The following MAP4K5 variants were observed in gnomAD, a reference collection of about 807,000 sequenced individuals.
MAP4K5 encodes MAPK/ERK kinase kinase kinase 5.
Under a neutral mutation model 135.6 loss-of-function variants are expected in MAP4K5, and 82 were observed. The observed-to-expected ratio is 0.60, with a 90% CI of 0.51 to 0.73. The LOEUF (loss-of-function observed/expected upper bound fraction) is 0.73. Among genes scored for constraint, MAP4K5 ranks in the 30% least tolerant of loss-of-function variants. The probability of loss-of-function intolerance (pLI) is 0.00; values close to 1 mark genes in which losing one functional copy is unlikely to be tolerated. For missense variants in MAP4K5, 907 were observed against 1,010.9 expected, an observed-to-expected ratio of 0.90 and a Z score of 1.39; for synonymous variants, 347 against 335.0, an observed-to-expected ratio of 1.04 and a Z score of -0.39.
At chr14:50,522,209 G>A (rs934436948) in intron 2 of MAP4K5, among the ~76,000 whole-genome samples, 1 of 151,906 alleles carries the variant, frequency 6.6e-6, no homozygotes, top group Non-Finnish European at 1.5e-5. Context: ...TAGAATACTA[G>A]ATGAATAAGC....
intron 15 of MAP4K5, 63 bp downstream of exon 15, chr14:50,448,707 CAACT>C (rs920573087): frequency 7.0e-5 from 61 of 874,036 alleles, no homozygotes; most frequent in African/African-American, 6.3e-4. Flanking sequence ...AATCAAAGTA[CAACT>C]AACAAAAAAA....
chr14:50,534,703 T>C (rs2038471400), upstream of MAP4K5, among the ~76,000 whole-genome samples: 1 of 152,234 alleles, frequency 6.6e-6, no homozygotes, highest in Admixed American at 6.5e-5. Context: ...GTCGAGACTC[T>C]ATGTGTCTGC....
At chr14:50,524,492 C>T (rs1282359540) in intron 2 of MAP4K5, among the ~76,000 whole-genome samples, 1 of 151,792 alleles carries the variant, frequency 6.6e-6, no homozygotes, top group South Asian at 2.1e-4. Context: ...TTTTAGTCTA[C>T]CAGGAAGACA....
At chr14:50,431,416 C>T (rs1241347583) in intron 28 of MAP4K5, among the ~76,000 whole-genome samples, 1 of 152,158 alleles carries the variant, frequency 6.6e-6, no homozygotes, top group Non-Finnish European at 1.5e-5. Context: ...CCCCACCCCA[C>T]AACAGTCCCC....
intron 3 of MAP4K5, 44 bp downstream of exon 3, chr14:50,504,756 T>C (rs1332318029): frequency 7.4e-7 from 1 of 1,347,950 alleles, no homozygotes; most frequent in South Asian, 1.4e-5. Context: ...AGGAAAGAAA[T>C]ATGGAAAACC....
chr14:50,493,577 T>C (rs1207738607), intron 3 of MAP4K5, among the ~76,000 whole-genome samples: 2 of 152,178 alleles, frequency 1.3e-5, no homozygotes, highest in Admixed American at 6.5e-5. Context: ...TAAAAAAATC[T>C]ATTAGAACAA....
chr14:50,499,381 G>C (rs1358391930), intron 3 of MAP4K5, among the ~76,000 whole-genome samples: 1 of 152,178 alleles, frequency 6.6e-6, no homozygotes, highest in African/African-American at 2.4e-5. Flanking sequence ...TTGGGGGCCA[G>C]GCATGGTGGT....
chr14:50,525,808 C>T (rs1420679914), intron 2 of MAP4K5, among the ~76,000 whole-genome samples: 1 of 152,172 alleles, frequency 6.6e-6, no homozygotes, highest in Admixed American at 6.5e-5. Context: ...CATGCCACTA[C>T]ACTGCAGCCT....
intron 31 of MAP4K5, among the ~76,000 whole-genome samples, chr14:50,423,823 A>G (rs2035786091): frequency 6.6e-6 from 1 of 152,172 alleles, no homozygotes; most frequent in South Asian, 2.1e-4. Context: ...GTACTATGCC[A>G]AAGTGCCCGC....
intron 15 of MAP4K5, 31 bp from the exon 16 acceptor site, chr14:50,447,512 T>C: frequency 1.5e-6 from 2 of 1,313,716 alleles, no homozygotes; most frequent in Middle Eastern, 1.9e-4. Flanking sequence ...TTTAAAATGT[T>C]ACTTTGTAAC....
intron 10 of MAP4K5, chr14:50,468,398 A>G (rs895951397): frequency 2.6e-6 from 1 of 384,668 alleles, no homozygotes; most frequent in African/African-American, 2.0e-5. Flanking sequence ...TTATTTATTT[A>G]AAGACTAGTC....
intron 12 of MAP4K5, among the ~76,000 whole-genome samples, chr14:50,463,010 G>A (rs1179088754): frequency 6.6e-6 from 1 of 152,102 alleles, no homozygotes; most frequent in Non-Finnish European, 1.5e-5. Context: ...TTCTTTTTGT[G>A]AAGTTATCTA....
chr14:50,548,703 G>C (rs1455586470), intron 1 of MAP4K5, among the ~76,000 whole-genome samples: 1 of 152,002 alleles, frequency 6.6e-6, no homozygotes, highest in East Asian at 1.9e-4. Context: ...GTAGAGACAG[G>C]GTTTCACTGT....
At chr14:50,530,513 A>G (rs1251705672) in intron 2 of MAP4K5, among the ~76,000 whole-genome samples, 1 of 152,234 alleles carries the variant, frequency 6.6e-6, no homozygotes, top group African/African-American at 2.4e-5. Context: ...ATCATAAGAC[A>G]AAGATGACTA....
At chr14:50,492,591 CAAA>C (rs11312204) in intron 3 of MAP4K5, among the ~76,000 whole-genome samples, 30 of 121,812 alleles carry the variant, frequency 2.5e-4, no homozygotes, top group Admixed American at 3.3e-4. Context: ...GACCCCATCT[CAAA>C]AAAAAAAAAA....
intron 3 of MAP4K5, among the ~76,000 whole-genome samples, chr14:50,490,559 C>A (rs571695426): frequency 3.5e-4 from 54 of 152,284 alleles, no homozygotes; most frequent in African/African-American, 1.3e-3. Flanking sequence ...AAAAAGTGTA[C>A]AAGTACAAGA....
intron 2 of MAP4K5, among the ~76,000 whole-genome samples, chr14:50,539,650 A>G (rs1367404230): frequency 6.6e-6 from 1 of 152,238 alleles, no homozygotes; most frequent in East Asian, 1.9e-4. Flanking sequence ...TTTAAACATG[A>G]GTTAGAAGAA....
At chr14:50,526,392 C>T (rs1027061319) in intron 2 of MAP4K5, among the ~76,000 whole-genome samples, 5 of 152,202 alleles carry the variant, frequency 3.3e-5, no homozygotes, top group Admixed American at 6.5e-5. Flanking sequence ...CTCCGACCCC[C>T]GGGTTCAACC....
intron 9 of MAP4K5, among the ~76,000 whole-genome samples, chr14:50,470,765 G>A (rs951191232): frequency 3.3e-5 from 5 of 151,728 alleles, no homozygotes; most frequent in Admixed American, 6.6e-5. Flanking sequence ...ATCATGAGCC[G>A]TAGCATATTA....
Sources: allele counts gnomAD v4.1 joint callset (sites outside exome capture counted in the v4.1 genomes callset), GRCh38; gene constraint gnomAD v4.1.1; transcripts MANE v1.5; gene names NCBI Gene and HGNC (gene_info 2026-07-23, HGNC 2026-07-21).